The following PTPRN2 variants were observed in gnomAD, a reference collection of about 807,000 sequenced individuals.
PTPRN2 encodes protein tyrosine phosphatase receptor type N2.
Under a neutral mutation model 118.8 loss-of-function variants are expected in PTPRN2, and 74 were observed. The ratio of observed to expected loss-of-function variants is 0.62; its 90% CI spans 0.52 to 0.76. The LOEUF is 0.76. PTPRN2 is among the 30% of genes least tolerant of loss of function. The probability of loss-of-function intolerance (pLI) is 0.00; values close to 1 mark genes in which losing one functional copy is unlikely to be tolerated. For synonymous variants in PTPRN2, 641 were observed against 608.0 expected, an observed-to-expected ratio of 1.05 and a Z score of -0.80; for missense variants, 1,481 against 1,394.4, an observed-to-expected ratio of 1.06 and a Z score of -0.99.
At chr7:158,502,937 C>A (rs1193665298) in intron 1 of PTPRN2, among the ~76,000 whole-genome samples, 1 of 150,966 alleles carries the variant, frequency 6.6e-6, no homozygotes, top group African/African-American at 2.4e-5. Context: ...CTGTGTCCAT[C>A]AGCCACTGTG....
chr7:157,576,859 G>A, intron 18 of PTPRN2, 80 bp from the exon 19 acceptor site: 1 of 1,381,280 alleles, frequency 7.2e-7, no homozygotes, highest in East Asian at 2.5e-5. Context: ...AGGAACCCAG[G>A]GCCACGTCTG....
chr7:158,370,752 CA>C (rs200454961), intron 2 of PTPRN2, among the ~76,000 whole-genome samples: 1 of 151,744 alleles, frequency 6.6e-6, no homozygotes, highest in Non-Finnish European at 1.5e-5. Context: ...ACTCCTGTCT[CA>C]AAAAAATTTT....
rs572281646 is a variant in PTPRN2, at chr7:157,545,725, C to CT, written c.2976+3220dup. On this transcript the variant is annotated intron_variant, in intron 22 of 22. Transcript: ENST00000389418. ...AGGAAACAGCTCTCCTGAGGGGCAT[C>CT]TTTTTTACCACAACGATGATGTTTT... 3.4e-4 allele frequency among the ~76,000 whole-genome samples: 52 copies of CT among 152,164 alleles called. 1 individual carries two copies. In the South Asian group the frequency reaches 0.01, roughly 30 times the overall value.
intron 12 of PTPRN2, among the ~76,000 whole-genome samples, chr7:157,832,606 A>G (rs1807638489): frequency 6.6e-6 from 1 of 152,208 alleles, no homozygotes; most frequent in Non-Finnish European, 1.5e-5. Context: ...TTAAAAAGAA[A>G]AAAAGAAATG....
intron 10 of PTPRN2, among the ~76,000 whole-genome samples, chr7:158,108,873 A>G (rs1815925617): frequency 6.6e-6 from 1 of 152,268 alleles, no homozygotes; most frequent in African/African-American, 2.4e-5. Context: ...CCCAGTGAGC[A>G]TCTGCTGTGA....
intron 3 of PTPRN2, among the ~76,000 whole-genome samples, chr7:158,270,834 GACCCC>G (rs1798348329): frequency 1.3e-4 from 1 of 7,654 alleles, no homozygotes; most frequent in Non-Finnish European, 2.8e-4. Flanking sequence ...CCACCTGGAT[GACCCC>G]CTCACCTGGA....
chr7:158,572,892 ATAGTAAG>A (rs1828122842), intron 1 of PTPRN2, among the ~76,000 whole-genome samples: 1 of 152,238 alleles, frequency 6.6e-6, no homozygotes, highest in Non-Finnish European at 1.5e-5. Flanking sequence ...TTTTGCCAGT[ATAGTAAG>A]CTTGCAAGTA....
At chr7:158,278,229 C>T (rs1025296486) in intron 3 of PTPRN2, among the ~76,000 whole-genome samples, 2 of 152,186 alleles carry the variant, frequency 1.3e-5, no homozygotes, top group Non-Finnish European at 2.9e-5. Context: ...AAATGGGAAT[C>T]GAATGCAGGG....
chr7:157,598,891 A>G lies in PTPRN2; in HGVS notation c.2419-3576T>C, dbSNP rs1801504154. Among the ~76,000 whole-genome samples the G allele has an allele frequency of 6.6e-6, 1 of 152,228 alleles. No individual in the cohort carries two copies. Among genetic ancestry groups the G allele is most frequent in the African/African-American group, 2.4e-5 (1 of 41,458 alleles). Reference sequence around the variant, plus strand: ...TTTCTCCCCAGACAGGGGCTTCTGCAGCAACACATCCCGCCTAGAGAGGCC... The same window carrying G: ...TTTCTCCCCAGACAGGGGCTTCTGCGGCAACACATCCCGCCTAGAGAGGCC... On this transcript the variant is annotated intron_variant, in intron 16 of 22. Transcript: ENST00000389418. This position sits in a 1 kb window ranked among gnomAD's most constrained non-coding sequence, Gnocchi z 5.2.
At position 157,611,841 on chromosome 7, in the gene PTPRN2, G is replaced by A. The variant is rs1473244805; in HGVS notation, c.2345-7766C>T. 7.0e-6 allele frequency among the ~76,000 whole-genome samples: 1 copy of A among 142,190 alleles called. No homozygotes were observed. Among genetic ancestry groups the A allele is most frequent in the Admixed American group, 7.0e-5 (1 of 14,358 alleles). 93.3% of individuals were successfully genotyped at this position (142,190 alleles called of 152,430 possible). ...GACGAAGACAGCCGCAGTCATGCTG[G>A]GGACACGCGGAGGGAGAGCGCCCGT... On this transcript the variant is annotated intron_variant, in intron 15 of 22. Transcript: ENST00000389418. This position sits in a 1 kb window ranked among gnomAD's most constrained non-coding sequence, Gnocchi z 5.9.
In PTPRN2 at chr7:157,893,413, T is replaced by C. The variant is rs1276906451; in HGVS notation, c.1788+5260A>G. Among the ~76,000 whole-genome samples, 1 of 152,176 alleles carries C rather than the reference T, an allele frequency of 6.6e-6. No homozygotes were observed. The highest frequency in any genetic ancestry group is 1.5e-5 in the Non-Finnish European group (1 of 68,016). Reference sequence around the variant, plus strand: ...TAGGGAGAACCTTCCTTCCCACATATGAGATGGGTGGGCATCAGGAGTGGG... The same window carrying C: ...TAGGGAGAACCTTCCTTCCCACATACGAGATGGGTGGGCATCAGGAGTGGG... On this transcript the variant is annotated intron_variant, in intron 12 of 22. Coordinates refer to ENST00000389418, the MANE Select transcript of PTPRN2 (RefSeq NM_002847.5). This position sits in a 1 kb window ranked among gnomAD's most constrained non-coding sequence, Gnocchi z 4.0.
intron 5 of PTPRN2, among the ~76,000 whole-genome samples, chr7:158,188,578 C>T (rs1825460567): frequency 8.8e-6 from 1 of 114,234 alleles, no homozygotes; most frequent in Non-Finnish European, 1.8e-5. Flanking sequence ...TGGGGAAGGC[C>T]GCCACGCTCG....
intron 5 of PTPRN2, among the ~76,000 whole-genome samples, chr7:158,171,141 CATATATATACACATAT>C (rs1823554208): frequency 2.7e-5 from 2 of 74,882 alleles, no homozygotes; most frequent in African/African-American, 7.7e-5. Context: ...TATATACACA[CATATATATACACATAT>C]ATATACACAC....
intron 2 of PTPRN2, among the ~76,000 whole-genome samples, chr7:158,485,110 G>A (rs1460288460): frequency 1.3e-5 from 2 of 152,148 alleles, no homozygotes; most frequent in Non-Finnish European, 2.9e-5. Flanking sequence ...GCCACCGAGC[G>A]CAGGGCTTGT....
At chr7:157,853,041 G>T (rs192606318) in intron 12 of PTPRN2, among the ~76,000 whole-genome samples, 1 of 152,220 alleles carries the variant, frequency 6.6e-6, no homozygotes, top group Non-Finnish European at 1.5e-5. Flanking sequence ...GAATGGGGAG[G>T]GTGGATGGTC....
chr7:158,279,591 C>T (rs1044350436), intron 3 of PTPRN2, among the ~76,000 whole-genome samples: 9 of 152,236 alleles, frequency 5.9e-5, no homozygotes, highest in African/African-American at 2.2e-4. Flanking sequence ...ATCCAGCCTC[C>T]AATCAAGCCC....
In PTPRN2 at chr7:158,563,389, T is replaced by C. The variant is rs1159388722; in HGVS notation, c.112+24169A>G. ...GAACAAAAGCATCACAAAATGCAAG[T>C]CTTATTACTGCAGCAGTTTGCAAGT... On this transcript the variant is annotated intron_variant, in intron 1 of 22. Transcript: ENST00000389418. The surrounding 1 kb of genome is among the most constrained non-coding windows in gnomAD (Gnocchi z 5.1). 6.6e-6 allele frequency among the ~76,000 whole-genome samples: 1 copy of C among 152,114 alleles called. No individual in the cohort carries two copies. The highest frequency in any genetic ancestry group is 1.5e-5 in the Non-Finnish European group (1 of 68,028).
At chr7:158,226,753 C>A (rs1828816969) in intron 3 of PTPRN2, among the ~76,000 whole-genome samples, 1 of 150,746 alleles carries the variant, frequency 6.6e-6, no homozygotes, top group Admixed American at 6.6e-5. Context: ...TCCCACAACA[C>A]AGCACTTACC....
intron 15 of PTPRN2, among the ~76,000 whole-genome samples, chr7:157,604,718 G>A (rs1464709762): frequency 6.6e-6 from 1 of 152,238 alleles, no homozygotes; most frequent in East Asian, 1.9e-4. Flanking sequence ...TGTACTGGTG[G>A]AGACTGGCAT....
Sources: gnomAD v4.1 joint callset for allele counts (sites outside exome capture counted in the v4.1 genomes callset) on GRCh38, gnomAD v4.1.1 for gene constraint, Gnocchi (gnomAD v3.1) non-coding constraint, MANE v1.5 for transcripts, NCBI Gene and HGNC (gene_info 2026-07-23, HGNC 2026-07-21) for gene names.